ELP4: variants seen among roughly 807,000 people sequenced by gnomAD.
ELP4 encodes the protein elongator acetyltransferase complex subunit 4, also known as elongator complex protein 4.
ELP4 carries 51 observed loss-of-function variants against 48.9 expected under a neutral mutation model. The ratio of observed to expected loss-of-function variants is 1.04; its 90% CI spans 0.83 to 1.32. The LOEUF (loss-of-function observed/expected upper bound fraction) is 1.32. Among genes scored for constraint, ELP4 ranks in the 40% most tolerant of loss-of-function variants. ELP4 has a pLI of 0.00. For missense variants in ELP4, 519 were observed against 514.6 expected, an observed-to-expected ratio of 1.01 and a Z score of -0.08; for synonymous variants, 210 against 189.2, an observed-to-expected ratio of 1.11 and a Z score of -0.90.
chr11:31,532,122 G>C (rs1341896065), intron 2 of ELP4, among the ~76,000 whole-genome samples: 2 of 152,150 alleles, frequency 1.3e-5, no homozygotes, highest in Admixed American at 6.5e-5. Context: ...CTATATCATA[G>C]TTGAAGAAAC....
chr11:31,719,780 A>T, intron 9 of ELP4: 1 of 269,756 alleles, frequency 3.7e-6, no homozygotes, highest in Non-Finnish European at 6.9e-6. Flanking sequence ...AAATATACTG[A>T]TGTCTGCAAC....
At chr11:31,541,676 C>G (rs892882020) in intron 3 of ELP4, among the ~76,000 whole-genome samples, 1 of 152,126 alleles carries the variant, frequency 6.6e-6, no homozygotes, top group African/African-American at 2.4e-5. Flanking sequence ...AAAATTTGCA[C>G]AGTTTGCTTT....
intron 1 of ELP4, among the ~76,000 whole-genome samples, chr11:31,514,089 A>G (rs550548027): frequency 4.9e-4 from 74 of 152,338 alleles, no homozygotes; most frequent in Non-Finnish European, 9.1e-4. Context: ...TTTTGTGTAC[A>G]TAAAGTACTC....
intron 9 of ELP4, among the ~76,000 whole-genome samples, chr11:31,691,277 C>G (rs1946274917): frequency 6.6e-6 from 1 of 151,882 alleles, no homozygotes; most frequent in South Asian, 2.1e-4. Context: ...GCAAACTAGA[C>G]TATATCTGTT....
At position 31,783,992 on chromosome 11, in the gene ELP4, TTATG is replaced by T. The variant is rs1948435647; in HGVS notation, c.*472_*475del. Reference sequence around the variant, plus strand: ...ACTAATATATAAAATAAATTTGCATTTATGTATCCAGTTATTAAATTGATAAAGA... The same window carrying T: ...ACTAATATATAAAATAAATTTGCATTTATCCAGTTATTAAATTGATAAAGA... On this transcript the variant is annotated 3_prime_UTR_variant, in exon 10 of 10. Transcript: ENST00000640961. 6.6e-6 allele frequency: 1 copy of T among 152,332 alleles called. No homozygotes were observed. The allele number at this position is 152,332 out of a possible 1,614,324, so 9.4% of individuals were successfully genotyped here.
intron 3 of ELP4, among the ~76,000 whole-genome samples, chr11:31,541,922 A>G (rs1055357604): frequency 6.6e-6 from 1 of 152,238 alleles, no homozygotes; most frequent in Admixed American, 6.5e-5. Flanking sequence ...TAATTTTATG[A>G]TGTAGGAGAG....
chr11:31,548,386 T>C (rs569515529), intron 3 of ELP4, among the ~76,000 whole-genome samples: 15 of 151,264 alleles, frequency 9.9e-5, no homozygotes, highest in African/African-American at 2.9e-4. Flanking sequence ...CCATTCACAA[T>C]TGCTTCAAAG....
chr11:31,528,241 C>T (rs1956330865), intron 2 of ELP4, among the ~76,000 whole-genome samples: 1 of 151,950 alleles, frequency 6.6e-6, no homozygotes, highest in African/African-American at 2.4e-5. Context: ...ACCATGGGAG[C>T]CATGTAGGAG....
intron 9 of ELP4, among the ~76,000 whole-genome samples, chr11:31,748,250 T>TA (rs1947641068): frequency 6.6e-6 from 1 of 151,442 alleles, no homozygotes; most frequent in South Asian, 2.1e-4. Flanking sequence ...GATCTTTTTT[T>TA]TTTTTTTTTT....
chr11:31,777,899 C>T (rs988143660), intron 9 of ELP4, among the ~76,000 whole-genome samples: 2 of 152,136 alleles, frequency 1.3e-5, no homozygotes, highest in Admixed American at 1.3e-4. Flanking sequence ...TTAGCCTGTA[C>T]TCTAGTTCAT....
intron 7 of ELP4, chr11:31,647,164 T>A (rs1207493332): frequency 1.3e-5 from 2 of 151,792 alleles, no homozygotes; most frequent in Non-Finnish European, 2.9e-5. Context: ...TGGCAGCATC[T>A]GGAAAGAGAA....
chr11:31,526,385 T>G (rs475012), intron 2 of ELP4, among the ~76,000 whole-genome samples: 4 of 151,980 alleles, frequency 2.6e-5, no homozygotes, highest in Non-Finnish European at 5.9e-5. Context: ...ATCTCTAACG[T>G]CAAGTAGGCT....
chr11:31,594,827 T>A lies in ELP4; in HGVS notation c.439T>A (p.Tyr147Asn), dbSNP rs1957645387. 6.4e-7 allele frequency: 1 copy of A among 1,553,836 alleles called. No individual in the cohort carries two copies. The highest frequency in any genetic ancestry group is 1.3e-5 in the South Asian group (1 of 78,152). ...TAAAAAGGAATTTGATGAAGATGTA[T>A]ACAATCATAAAACACCAGAATCTAA... ...KCKKEFDEDVYNHKTPESNIK... is the reference protein window; with the variant it reads ...KCKKEFDEDVNNHKTPESNIK... Residue 147 changes from tyrosine to asparagine, a missense_variant, in exon 4 of 10, where the codon TAC becomes AAC. By Grantham distance (143) the Tyr-to-Asn change is moderately radical. Coordinates refer to ENST00000640961, the MANE Select transcript of ELP4 (RefSeq NM_019040.5).
intron 5 of ELP4, among the ~76,000 whole-genome samples, chr11:31,621,433 A>T (rs778770416): frequency 1.3e-4 from 19 of 151,890 alleles, no homozygotes; most frequent in Non-Finnish European, 2.4e-4. Context: ...AAACCATATG[A>T]TTTCAAAGTC....
Position 31,784,472 on chromosome 11 carries a change from A to G in ELP4, c.*948A>G, listed in dbSNP as rs899938173. The G allele has an allele frequency of 5.9e-5, 9 of 152,136 alleles. No homozygotes were observed. The highest frequency in any genetic ancestry group is 7.4e-5 in the Non-Finnish European group (5 of 67,956). The allele number at this position is 152,136 out of a possible 1,614,324, so 9.4% of individuals were successfully genotyped here. On this transcript the variant is annotated 3_prime_UTR_variant, in exon 10 of 10. Transcript: ENST00000640961. ...CATTAGGTGTTTTAATTACAATTCTATATTCTCAAAGCTTTTGACAGATAA... is the reference window on the plus strand; with the variant it reads ...CATTAGGTGTTTTAATTACAATTCTGTATTCTCAAAGCTTTTGACAGATAA...
At chr11:31,632,058 C>A (rs756710337) in intron 6 of ELP4, among the ~76,000 whole-genome samples, 159 bp from the exon 7 acceptor site, 1 of 151,956 alleles carries the variant, frequency 6.6e-6, no homozygotes, top group Admixed American at 6.6e-5. Flanking sequence ...TAAACAGTTT[C>A]ATTTATACTG....
rs1948432800 is a variant in ELP4 at position 31,783,833 on chromosome 11, T to TA, written c.*312dup. On this transcript the variant is annotated 3_prime_UTR_variant, in exon 10 of 10. Transcript: ENST00000640961. The stretch of plus-strand genomic sequence containing the variant: ...TGTACTAAGGCATTTAGTGTCATGG[T>TA]AAAGTGCATGTCACAGCAGGTAGCA... The TA allele has an allele frequency of 4.9e-6, 1 of 204,218 alleles. No individual in the cohort carries two copies. The highest frequency in any genetic ancestry group is 5.7e-5 in the Admixed American group (1 of 17,452). 12.7% of individuals were successfully genotyped at this position (204,218 alleles called of 1,614,324 possible). A position where few individuals can be genotyped will look rare whatever the true frequency, so the allele number is the denominator to read the frequency against.
chr11:31,530,691 T>G (rs577323755), intron 2 of ELP4, among the ~76,000 whole-genome samples: 1 of 152,254 alleles, frequency 6.6e-6, no homozygotes, highest in African/African-American at 2.4e-5. Flanking sequence ...CAAATGAAAT[T>G]CCATTTCCGT....
chr11:31,576,679 T>C (rs1364007692), intron 3 of ELP4, among the ~76,000 whole-genome samples: 2 of 152,142 alleles, frequency 1.3e-5, no homozygotes, highest in Non-Finnish European at 2.9e-5. Flanking sequence ...AACAACCTGC[T>C]CCTGAATGAC....
Sources: gnomAD v4.1 joint callset for allele counts (sites outside exome capture counted in the v4.1 genomes callset) on GRCh38, gnomAD v4.1.1 for gene constraint, MANE v1.5 for transcripts, NCBI Gene and HGNC (gene_info 2026-07-23, HGNC 2026-07-21) for gene names.